DACH2: variants seen among roughly 807,000 people sequenced by gnomAD.
DACH2 encodes the protein dachshund family transcription factor 2, also known as dachshund homolog 2.
Under a neutral mutation model 35.8 loss-of-function variants are expected in DACH2, and 17 were observed. The ratio of observed to expected loss-of-function variants is 0.48; its 90% CI spans 0.33 to 0.71. The LOEUF is 0.71. DACH2 is among the 30% of genes least tolerant of loss of function. The pLI is 0.02. For synonymous variants in DACH2, 195 were observed against 177.3 expected (o/e 1.10, Z -0.79); for missense variants, 469 against 472.7 (o/e 0.99, Z 0.07).
intron 5 of DACH2, among the ~76,000 whole-genome samples, chrX:86,703,721 G>A (rs1250431749): frequency 5.4e-5 from 6 of 110,834 alleles, no homozygotes; most frequent in Non-Finnish European, 7.6e-5. Context: ...ACAATGAGTC[G>A]AAAGATCTCT....
intron 3 of DACH2, among the ~76,000 whole-genome samples, chrX:86,527,326 C>A (rs567978242): frequency 8.9e-6 from 1 of 111,796 alleles, no homozygotes; most frequent in East Asian, 2.8e-4. Context: ...CTCATTTTCT[C>A]AACCTTTCTA....
At chrX:86,232,285 A>G (rs1211067846) in intron 1 of DACH2, among the ~76,000 whole-genome samples, 1 of 112,511 alleles carries the variant, frequency 8.9e-6, no homozygotes, top group Non-Finnish European at 1.9e-5. Context: ...TTCTGGATAT[A>G]GAAACTGGCA....
chrX:86,654,187 T>TAAAA (rs764775335), intron 4 of DACH2, among the ~76,000 whole-genome samples: 11 of 40,447 alleles, frequency 2.7e-4, no homozygotes, highest in South Asian at 2.3e-3. Context: ...ACATTTTTAG[T>TAAAA]AAAAAAAAAA....
At chrX:86,274,400 G>A (rs1223085403) in intron 1 of DACH2, among the ~76,000 whole-genome samples, 2 of 104,955 alleles carry the variant, frequency 1.9e-5, no homozygotes, top group Middle Eastern at 4.7e-3. Flanking sequence ...GCAGATTTAA[G>A]TTGTAACATT....
chrX:86,789,015 C>A (rs768145281), intron 7 of DACH2, among the ~76,000 whole-genome samples: 1 of 111,571 alleles, frequency 9.0e-6, no homozygotes, highest in Non-Finnish European at 1.9e-5. Context: ...TTTTAAAATC[C>A]GTATGTCTAC....
chrX:86,530,372 C>T (rs1416928442), intron 3 of DACH2, among the ~76,000 whole-genome samples: 2 of 111,630 alleles, frequency 1.8e-5, no homozygotes, highest in South Asian at 3.7e-4. Flanking sequence ...CTTCATGTGT[C>T]GGAGGAGGAA....
rs759180765 is a variant in DACH2 at position 86,671,347 on chromosome X, C to A, written c.772+20180C>A. Among the ~76,000 whole-genome samples the A allele has an allele frequency of 6.3e-5, 7 of 111,786 alleles. No individual in the cohort carries two copies. The East Asian group carries it at 1.7e-3, about 27-fold the overall frequency. Reference sequence around the variant, plus strand: ...TAGTTTTAGCTTGTGAACTTGATACCAAAAGTGTTATAGAGGCTGGTATGG... The same window carrying A: ...TAGTTTTAGCTTGTGAACTTGATACAAAAAGTGTTATAGAGGCTGGTATGG... On this transcript the variant is annotated intron_variant, in intron 4 of 11. Transcript: ENST00000373125.
intron 1 of DACH2, among the ~76,000 whole-genome samples, chrX:86,330,739 A>C (rs890505535): frequency 8.9e-6 from 1 of 111,922 alleles, no homozygotes; most frequent in African/African-American, 3.2e-5. Flanking sequence ...CAGTTGATTG[A>C]AGATATGTTT....
At chrX:86,745,693 T>G (rs2041704824) in intron 7 of DACH2, among the ~76,000 whole-genome samples, 1 of 111,294 alleles carries the variant, frequency 9.0e-6, no homozygotes, top group African/African-American at 3.3e-5. Context: ...TGAACAGTGC[T>G]GCAATGAACA....
At chrX:86,303,165 A>C (rs1427144808) in intron 1 of DACH2, among the ~76,000 whole-genome samples, 1 of 105,757 alleles carries the variant, frequency 9.5e-6, no homozygotes, top group Non-Finnish European at 1.9e-5. Flanking sequence ...CATAAAGAGC[A>C]CTGCACCAGG....
intron 2 of DACH2, among the ~76,000 whole-genome samples, chrX:86,443,262 A>G (rs951955817): frequency 2.7e-5 from 3 of 111,626 alleles, no homozygotes; most frequent in Non-Finnish European, 3.8e-5. Context: ...TTTTCAGTGT[A>G]GAGACCTTTA....
At position 86,720,362 on chromosome X, in the gene DACH2, T is replaced by C. The variant is rs151002958; in HGVS notation, c.1104+5642T>C. Among the ~76,000 whole-genome samples the C allele has an allele frequency of 4.2e-3, 472 of 111,625 alleles. 10 individuals carry two copies. The East Asian group carries it at 0.079, about 19-fold the overall frequency. On this transcript the variant is annotated intron_variant, in intron 6 of 11. Coordinates refer to ENST00000373125, the MANE Select transcript of DACH2 (RefSeq NM_053281.3). ...GTCTGTAAAATGAAAAGCAAGTTAG[T>C]TACTTCCTAAATATAATGGGGGACA...
rs1194704943 is a variant in DACH2, at chrX:86,556,795, TAG to T, written c.640+42438_640+42439del. On this transcript the variant is annotated intron_variant, in intron 3 of 11. Coordinates refer to ENST00000373125, the MANE Select transcript of DACH2 (RefSeq NM_053281.3). The stretch of plus-strand genomic sequence containing the variant: ...ATATATATATATATATATATATATA[TAG>T]AGAGAGAGAGAGAGAGAGAGAGAGA... Among the ~76,000 whole-genome samples, 48 of 25,269 alleles carry T rather than the reference TAG, an allele frequency of 1.9e-3. 1 individual carries two copies. Among genetic ancestry groups the T allele is most frequent in the African/African-American group, 3.4e-3 (19 of 5,511 alleles). The allele number at this position is 25,269 out of a possible 115,157, so 21.9% of individuals were successfully genotyped here.
chrX:86,644,100 G>A (rs976385845), intron 3 of DACH2, among the ~76,000 whole-genome samples: 9 of 110,991 alleles, frequency 8.1e-5, no homozygotes, highest in African/African-American at 1.3e-4. Context: ...ACATAGTATT[G>A]GAAGTCCTAG....
Position 86,568,359 on chromosome X carries a change from G to A in DACH2, c.640+53968G>A, listed in dbSNP as rs80319591. Among the ~76,000 whole-genome samples the A allele has an allele frequency of 3.0e-4, 33 of 111,146 alleles. No homozygotes were observed. The East Asian group carries it at 8.9e-3, about 30-fold the overall frequency. On this transcript the variant is annotated intron_variant, in intron 3 of 11. Transcript: ENST00000373125. ...ATGCACCACTCTGGTGTGAGTGACT[G>A]GGAGCCTGCAGGGGTGTTATGATGT...
intron 7 of DACH2, among the ~76,000 whole-genome samples, chrX:86,757,539 T>C (rs1013722591): frequency 2.7e-5 from 3 of 112,368 alleles, no homozygotes; most frequent in Non-Finnish European, 3.8e-5. Context: ...CTAATTGATA[T>C]GGTTTGGCTC....
chrX:86,527,081 G>A (rs745578761), intron 3 of DACH2, among the ~76,000 whole-genome samples: 10 of 111,001 alleles, frequency 9.0e-5, no homozygotes, highest in South Asian at 3.8e-4. Flanking sequence ...AAAGGAGGGC[G>A]ATTTTCTCAT....
chrX:86,726,810 G>A (rs933981178), intron 6 of DACH2, among the ~76,000 whole-genome samples: 1 of 111,797 alleles, frequency 8.9e-6, no homozygotes, highest in Non-Finnish European at 1.9e-5. Flanking sequence ...GAGCTTCTCC[G>A]TTACTTTTTC....
intron 1 of DACH2, among the ~76,000 whole-genome samples, chrX:86,340,620 C>A (rs1258710507): frequency 9.0e-6 from 1 of 111,473 alleles, no homozygotes; most frequent in Non-Finnish European, 1.9e-5. Context: ...AAACCAAAAG[C>A]TAGAAATGAT....
Sources: gnomAD v4.1 joint callset for allele counts (sites outside exome capture counted in the v4.1 genomes callset) on GRCh38, gnomAD v4.1.1 for gene constraint, MANE v1.5 for transcripts, NCBI Gene and HGNC (gene_info 2026-07-23, HGNC 2026-07-21) for gene names.